Variants in CCDC88A observed in about 807,000 individuals in gnomAD.
The protein encoded by CCDC88A is girdin.
A neutral mutation model predicts 234.3 loss-of-function variants in CCDC88A; 54 were observed. The observed-to-expected ratio is 0.23, with a 90% CI of 0.19 to 0.29. The LOEUF (loss-of-function observed/expected upper bound fraction) is 0.29. Among genes scored for constraint, CCDC88A ranks in the 10% least tolerant of loss-of-function variants. The probability of loss-of-function intolerance (pLI) is 1.00; values close to 1 mark genes in which losing one functional copy is unlikely to be tolerated. For synonymous variants in CCDC88A, 753 were observed against 737.8 expected, an observed-to-expected ratio of 1.02 and a Z score of -0.33; for missense variants, 1,832 against 2,123.4, an observed-to-expected ratio of 0.86 and a Z score of 2.70.
chr2:55,377,233 T>C (rs1673810339), intron 3 of CCDC88A, among the ~76,000 whole-genome samples: 5 of 150,850 alleles, frequency 3.3e-5, no homozygotes, highest in Admixed American at 2.6e-4. Flanking sequence ...GTCTTACTCT[T>C]GTCACCCACA....
At chr2:55,376,808 G>A (rs961629868) in intron 3 of CCDC88A, among the ~76,000 whole-genome samples, 1 of 152,102 alleles carries the variant, frequency 6.6e-6, no homozygotes, top group African/African-American at 2.4e-5. Context: ...CAGCTAAATG[G>A]GCTTAAAAGA....
chr2:55,293,570 C>A (rs1679685895), intron 31 of CCDC88A: 1 of 150,392 alleles, frequency 6.6e-6, no homozygotes, highest in Non-Finnish European at 1.5e-5. Context: ...AGGAAATATT[C>A]TCTACAGATT....
rs778086967 is a variant in CCDC88A at position 55,344,500 on chromosome 2, G to A, written c.1056C>T (p.Asp352=). The A allele has an allele frequency of 6.5e-7, 1 of 1,543,632 alleles. No homozygotes were observed. The highest frequency in any genetic ancestry group is 2.3e-5 in the East Asian group (1 of 43,740). ...TTTTTGTTTCTAATAAAACTTGATTGTCTTCTTTTAATTCCTATAAATGTT... is the reference window on the plus strand; with the variant it reads ...TTTTTGTTTCTAATAAAACTTGATTATCTTCTTTTAATTCCTATAAATGTT... ...YKARVEELKE[D]NQVLLETKTM... Residue 352 remains aspartate, a synonymous_variant, in exon 11 of 33, where the codon GAC becomes GAT. Transcript: ENST00000436346.
intron 3 of CCDC88A, among the ~76,000 whole-genome samples, chr2:55,379,120 T>C (rs936390884): frequency 1.3e-5 from 2 of 152,126 alleles, no homozygotes; most frequent in Admixed American, 6.6e-5. Flanking sequence ...TTAAAAAATA[T>C]ACAAGACATA....
chr2:55,356,061 G>C, intron 7 of CCDC88A: 1 of 171,114 alleles, frequency 5.8e-6, no homozygotes, highest in Non-Finnish European at 1.2e-5. Context: ...ATAGGTAAAT[G>C]TGTGCCATGG....
intron 2 of CCDC88A, chr2:55,405,346 A>C (rs1348977982): frequency 6.6e-6 from 1 of 152,182 alleles, no homozygotes; most frequent in African/African-American, 2.4e-5. Context: ...AATTTATTCC[A>C]GTTCACACAC....
intron 2 of CCDC88A, among the ~76,000 whole-genome samples, chr2:55,401,783 A>AAGTT (rs1345994903): frequency 7.2e-5 from 11 of 151,934 alleles, no homozygotes; most frequent in Admixed American, 6.6e-4. Context: ...TGGACACATT[A>AAGTT]AGTTACCTTT....
intron 5 of CCDC88A, among the ~76,000 whole-genome samples, chr2:55,371,032 T>A (rs1184779635): frequency 6.6e-6 from 1 of 152,014 alleles, no homozygotes; most frequent in Non-Finnish European, 1.5e-5. Context: ...TTGGTTCTGC[T>A]CCATTCCTAC....
chr2:55,367,528 G>GTTTTTTTTTTTTTTTGTTTTTTTT, intron 5 of CCDC88A, among the ~76,000 whole-genome samples: 1 of 99,890 alleles, frequency 1.0e-5, no homozygotes, highest in Non-Finnish European at 2.0e-5. Flanking sequence ...TTATTTCCTT[G>GTTTTTTTTTTTTTTTGTTTTTTTT]TTTTTTTTTA....
chr2:55,311,366 A>C (rs1374029414), intron 23 of CCDC88A, among the ~76,000 whole-genome samples: 1 of 152,222 alleles, frequency 6.6e-6, no homozygotes, highest in African/African-American at 2.4e-5. Context: ...TTAATAAAGA[A>C]ATAATGTTCC....
At chr2:55,341,136 CTTT>C (rs1411210555) in intron 12 of CCDC88A, among the ~76,000 whole-genome samples, 27 of 107,918 alleles carry the variant, frequency 2.5e-4, no homozygotes, top group African/African-American at 9.8e-4. Context: ...GACAGAATTT[CTTT>C]CTTTTTTTTT....
intron 2 of CCDC88A, among the ~76,000 whole-genome samples, chr2:55,402,372 TTAAGTA>T (rs1678848188): frequency 6.6e-6 from 1 of 152,182 alleles, no homozygotes; most frequent in African/African-American, 2.4e-5. Context: ...TTGTTTTGCT[TTAAGTA>T]TAAGAAATAT....
chr2:55,312,645 A>C, intron 22 of CCDC88A, 66 bp from the exon 23 acceptor site: 1 of 1,135,702 alleles, frequency 8.8e-7, no homozygotes, highest in Non-Finnish European at 1.3e-6. Context: ...ACTGAAAAAT[A>C]TGAAGTACTA....
chr2:55,296,923 G>C (rs1471002610), intron 29 of CCDC88A: 1 of 158,754 alleles, frequency 6.3e-6, no homozygotes, highest in South Asian at 1.8e-4. Context: ...GGTGGCTCAC[G>C]CCTGTAATCC....
At chr2:55,318,194 G>A (rs908948804) in intron 19 of CCDC88A, among the ~76,000 whole-genome samples, 2 of 152,126 alleles carry the variant, frequency 1.3e-5, no homozygotes, top group African/African-American at 2.4e-5. Context: ...AGAATTTGGT[G>A]ATAGAAGTTG....
At chr2:55,358,656 TTTA>T (rs1462080115) in intron 7 of CCDC88A, among the ~76,000 whole-genome samples, 1 of 152,142 alleles carries the variant, frequency 6.6e-6, no homozygotes, top group African/African-American at 2.4e-5. Context: ...GATTAACTCC[TTTA>T]TTCTTATGCA....
intron 13 of CCDC88A, chr2:55,337,425 C>T (rs1356384895): frequency 1.3e-5 from 2 of 152,154 alleles, no homozygotes; most frequent in South Asian, 2.1e-4. Flanking sequence ...TAAAAATATG[C>T]TAAGACTATT....
chr2:55,330,862 A>T (rs551274711), intron 16 of CCDC88A, among the ~76,000 whole-genome samples: 81 of 152,316 alleles, frequency 5.3e-4, no homozygotes, highest in Admixed American at 8.5e-4. Context: ...ATTGCTCAGC[A>T]TACTTTTGTG....
intron 31 of CCDC88A, chr2:55,292,971 A>G (rs1411799520): frequency 6.6e-6 from 1 of 151,926 alleles, no homozygotes; most frequent in Non-Finnish European, 1.5e-5. Flanking sequence ...CTCAGGACAC[A>G]TGGACATGAT....
Sources: allele counts gnomAD v4.1 joint callset (sites outside exome capture counted in the v4.1 genomes callset), GRCh38; gene constraint gnomAD v4.1.1; transcripts MANE v1.5; gene names NCBI Gene and HGNC (gene_info 2026-07-23, HGNC 2026-07-21).